TMEM178A: variants seen among roughly 807,000 people sequenced by gnomAD.
The protein encoded by TMEM178A is transmembrane protein 178.
In TMEM178A, 12 loss-of-function variants were observed where a neutral mutation model predicts 29.1. That is an observed-to-expected ratio of 0.41 (90% CI 0.26 to 0.67). The LOEUF (loss-of-function observed/expected upper bound fraction) is 0.67, where lower values mean the gene tolerates loss of function less well. TMEM178A is among the 30% of genes least tolerant of loss of function. The pLI is 0.29. For missense variants in TMEM178A, 366 were observed against 419.1 expected (o/e 0.87, Z 1.11); for synonymous variants, 210 against 187.2 (o/e 1.12, Z -0.99).
intron 1 of TMEM178A, among the ~76,000 whole-genome samples, chr2:39,673,195 C>T (rs1035001470): frequency 6.6e-5 from 10 of 152,138 alleles, no homozygotes; most frequent in African/African-American, 1.9e-4. Context: ...CCGCCTTGGC[C>T]GTCGTCATGA....
intron 1 of TMEM178A, among the ~76,000 whole-genome samples, chr2:39,668,293 G>A (rs1004830963): frequency 3.3e-5 from 5 of 152,150 alleles, no homozygotes; most frequent in Non-Finnish European, 2.9e-5. Flanking sequence ...TCCGTAAGAC[G>A]GAACTCATAT....
chr2:39,706,868 C>G, intron 2 of TMEM178A, among the ~76,000 whole-genome samples, 181 bp from the exon 3 acceptor site: 1 of 152,172 alleles, frequency 6.6e-6, no homozygotes, highest in East Asian at 1.9e-4. Flanking sequence ...TTGGTTACAC[C>G]CCATCAGTCC....
At chr2:39,702,364 T>C (rs925212742) in intron 1 of TMEM178A, among the ~76,000 whole-genome samples, 2 of 152,122 alleles carry the variant, frequency 1.3e-5, no homozygotes, top group African/African-American at 4.8e-5. Flanking sequence ...CTTCCAGTCT[T>C]TGCCAGTGGG....
Position 39,717,388 on chromosome 2 carries a change from T to C in TMEM178A, c.*137T>C. 1.5e-6 allele frequency: 2 copies of C among 1,318,990 alleles called. No homozygotes were observed. The highest frequency in any genetic ancestry group is 1.0e-6 in the Non-Finnish European group (1 of 986,798). 81.7% of individuals were successfully genotyped at this position (1,318,990 alleles called of 1,614,324 possible). ...CCCTTTCTGGATTACTGATAGAAAA[T>C]CATGCAAAACCTCCCAACCTTTCTA... is the stretch of plus-strand genomic sequence containing the variant. On this transcript the variant is annotated 3_prime_UTR_variant, in exon 4 of 4. Coordinates refer to ENST00000281961, the MANE Select transcript of TMEM178A (RefSeq NM_152390.3).
chr2:39,733,199 T>C, the TMEM178A span, among the ~76,000 whole-genome samples: 4,145 of 152,316 alleles, frequency 0.027, 183 homozygotes, highest in African/African-American at 0.094. Context: ...TCCGCCCACC[T>C]TCCAGCATCT....
chr2:39,733,446 G>A, the TMEM178A span, among the ~76,000 whole-genome samples: 3 of 152,116 alleles, frequency 2.0e-5, no homozygotes, highest in Non-Finnish European at 4.4e-5. Flanking sequence ...TTTATATGAC[G>A]TCCATCATCA....
chr2:39,679,651 TTAG>T (rs1178888751), intron 1 of TMEM178A, among the ~76,000 whole-genome samples: 1 of 152,156 alleles, frequency 6.6e-6, no homozygotes, highest in Non-Finnish European at 1.5e-5. Flanking sequence ...TTCACAGGAC[TTAG>T]TAGGGCAGTT....
chr2:39,719,957 C>T (rs1672670809), downstream of TMEM178A, among the ~76,000 whole-genome samples: 1 of 152,072 alleles, frequency 6.6e-6, no homozygotes, highest in Non-Finnish European at 1.5e-5. Flanking sequence ...ACTTGGGAAA[C>T]ATTAATGAAG....
intron 1 of TMEM178A, among the ~76,000 whole-genome samples, chr2:39,690,361 C>T (rs1671261771): frequency 6.6e-6 from 1 of 152,118 alleles, no homozygotes; most frequent in Admixed American, 6.5e-5. Context: ...TCAGACAGCA[C>T]GTGAATATCA....
At chr2:39,721,766 G>C (rs551057785), downstream of TMEM178A, among the ~76,000 whole-genome samples, 2 of 152,212 alleles carry the variant, frequency 1.3e-5, no homozygotes, top group East Asian at 3.9e-4. Context: ...GGCTGAGGCT[G>C]GAGGATCTCT....
chr2:39,701,765 A>T (rs1348828770), intron 1 of TMEM178A, among the ~76,000 whole-genome samples: 1 of 152,068 alleles, frequency 6.6e-6, no homozygotes, highest in Non-Finnish European at 1.5e-5. Flanking sequence ...GATGATTTCA[A>T]TGGACCTATC....
the TMEM178A span, among the ~76,000 whole-genome samples, chr2:39,733,389 G>A: frequency 1.3e-5 from 2 of 152,178 alleles, no homozygotes; most frequent in African/African-American, 4.8e-5. Context: ...TGAACGTGAA[G>A]GATGCCAATG....
intron 1 of TMEM178A, among the ~76,000 whole-genome samples, chr2:39,671,979 G>A (rs1670426806): frequency 6.6e-6 from 1 of 152,168 alleles, no homozygotes; most frequent in Admixed American, 6.5e-5. Context: ...CTGACATTAG[G>A]CACAGTATTA....
At chr2:39,712,967 A>G (rs1672378298) in intron 3 of TMEM178A, among the ~76,000 whole-genome samples, 1 of 152,238 alleles carries the variant, frequency 6.6e-6, no homozygotes, top group South Asian at 2.1e-4. Flanking sequence ...TTTGTGATGA[A>G]CCGACTCTTA....
chr2:39,687,209 A>C (rs1461057983), intron 1 of TMEM178A: 1 of 166,254 alleles, frequency 6.0e-6, no homozygotes, highest in Non-Finnish European at 1.5e-5. Context: ...CCAGATGGCT[A>C]TTCATATTTT....
chr2:39,734,914 C>G, the TMEM178A span, among the ~76,000 whole-genome samples: 2 of 152,318 alleles, frequency 1.3e-5, no homozygotes, highest in South Asian at 2.1e-4. Flanking sequence ...CATCCAGAAT[C>G]CATGTGCCTC....
chr2:39,700,903 G>A (rs1388267591), intron 1 of TMEM178A, among the ~76,000 whole-genome samples: 1 of 149,868 alleles, frequency 6.7e-6, no homozygotes, highest in Non-Finnish European at 1.5e-5. Context: ...AATCTAGTTT[G>A]GATTAATACC....
chr2:39,719,702 A>G (rs1347981573), downstream of TMEM178A, among the ~76,000 whole-genome samples: 1 of 152,116 alleles, frequency 6.6e-6, no homozygotes, highest in African/African-American at 2.4e-5. Context: ...CCTTTGTTCT[A>G]TGTTCTCTCT....
In TMEM178A at chr2:39,704,145, T is replaced by C. The variant is rs1367702067; in HGVS notation, c.465T>C (p.Ile155=). ...CTCAGCCCATCCGCTTGCGAAACAT[T>C]CCTTTTAATTTAACCAAGACCATAC... ...HFSQPIRLRN[I]PFNLTKTIQQ... Residue 155 remains isoleucine (I), a synonymous_variant, in exon 2 of 4, where the codon ATT becomes ATC. Coordinates refer to ENST00000281961, the MANE Select transcript of TMEM178A (RefSeq NM_152390.3). 1 of 1,614,052 alleles carries C rather than the reference T, an allele frequency of 6.2e-7. No homozygotes were observed. The highest frequency in any genetic ancestry group is 8.5e-7 in the Non-Finnish European group (1 of 1,180,020).
Sources: gnomAD v4.1 joint callset for allele counts (sites outside exome capture counted in the v4.1 genomes callset) on GRCh38, gnomAD v4.1.1 for gene constraint, MANE v1.5 for transcripts, NCBI Gene and HGNC (gene_info 2026-07-23, HGNC 2026-07-21) for gene names.